Variants in POLG2 observed in about 807,000 individuals in gnomAD.
The protein encoded by POLG2 is DNA polymerase subunit gamma-2.
A neutral mutation model predicts 56.5 loss-of-function variants in POLG2; 50 were observed. The observed-to-expected ratio is 0.88, with a 90% CI of 0.71 to 1.12. POLG2 has a LOEUF of 1.12. Among genes scored for constraint, POLG2 ranks in the 50% most tolerant of loss-of-function variants. The pLI is 0.00. For missense variants in POLG2, 584 were observed against 583.3 expected, an observed-to-expected ratio of 1.00 and a Z score of -0.01; for synonymous variants, 226 against 222.6, an observed-to-expected ratio of 1.02 and a Z score of -0.14.
rs782226161 is a variant in POLG2, at chr17:64,481,429, C to T, written c.1192-1040G>A. ...GTCTCAATCACCCAGACAGAAATGA[C>T]GACTGCTGAAGGAGTCTCTGGAACG... On this transcript the variant is annotated intron_variant, in intron 6 of 7. Coordinates refer to ENST00000539111, the MANE Select transcript of POLG2 (RefSeq NM_007215.4). 2.4e-5 allele frequency: 24 copies of T among 985,070 alleles called. No homozygotes were observed. In the African/African-American group the frequency reaches 3.7e-4, roughly 15 times the overall value. The allele number at this position is 985,070 out of a possible 1,614,324, so 61.0% of individuals were successfully genotyped here. A position where few individuals can be genotyped will look rare whatever the true frequency, so the allele number is the denominator to read the frequency against.
At chr17:64,489,123 T>A (rs1222044365) in intron 4 of POLG2, among the ~76,000 whole-genome samples, 2 of 150,750 alleles carry the variant, frequency 1.3e-5, no homozygotes, top group Non-Finnish European at 3.0e-5. Flanking sequence ...GAACAATATA[T>A]TGCTACAAAA....
In POLG2 at chr17:64,491,695, C is replaced by T. The variant is rs985486158; in HGVS notation, c.796-726G>A. 7.4e-5 allele frequency: 81 copies of T among 1,092,660 alleles called. No homozygotes were observed. The Admixed American group carries it at 1.0e-3, about 14-fold the overall frequency. 67.7% of individuals were successfully genotyped at this position (1,092,660 alleles called of 1,614,324 possible). On this transcript the variant is annotated intron_variant, in intron 3 of 7. Transcript: ENST00000539111. ...ATCAACGTGAAGAAGGGGAGCATCTCGGGGTTTACCATGGTGCTGGCAGGG... is the reference window on the plus strand; with the variant it reads ...ATCAACGTGAAGAAGGGGAGCATCTTGGGGTTTACCATGGTGCTGGCAGGG...
intron 6 of POLG2, chr17:64,481,145 T>C (rs1021107250): frequency 2.3e-6 from 1 of 426,174 alleles, no homozygotes; most frequent in African/African-American, 2.2e-5. Context: ...CTCCCACTCT[T>C]AGGACAACCA....
intron 4 of POLG2, chr17:64,490,559 T>C (rs192564637): frequency 2.7e-5 from 14 of 514,598 alleles, no homozygotes; most frequent in Non-Finnish European, 3.9e-5. Context: ...CTTGGACCTA[T>C]AAATGCCATT....
chr17:64,489,090 G>C (rs2038011019), intron 4 of POLG2, among the ~76,000 whole-genome samples: 1 of 146,962 alleles, frequency 6.8e-6, no homozygotes, highest in Non-Finnish European at 1.5e-5. Flanking sequence ...CAGCAGCACA[G>C]TCTTGGCTCA....
chr17:64,485,819 C>T lies in POLG2; in HGVS notation c.1019G>A (p.Gly340Glu). The change falls in exon 5 of 8, where the codon GGG (glycine) becomes GAG (glutamate). Residue 340 changes from glycine (G) to glutamate (E), a missense_variant. By Grantham distance (98) the Gly-to-Glu change is moderately conservative (BLOSUM62 -2). Coordinates refer to ENST00000539111, the MANE Select transcript of POLG2 (RefSeq NM_007215.4). ...NVVPCVLSVNGDLDRGMLAYL... is the reference protein window; with the variant it reads ...NVVPCVLSVNEDLDRGMLAYL... ...GGCCAGCATGCCTCGGTCTAGGTCC[C>T]CATTTACAGAGAGAACACAAGGAAC... 6.2e-7 allele frequency: 1 copy of T among 1,613,578 alleles called. No homozygotes were observed. Among genetic ancestry groups the T allele is most frequent in the Non-Finnish European group, 8.5e-7 (1 of 1,179,472 alleles).
chr17:64,490,524 A>G (rs1469653202), intron 4 of POLG2: 2 of 441,520 alleles, frequency 4.5e-6, no homozygotes, highest in Non-Finnish European at 4.2e-6. Context: ...GTAAAGGCAT[A>G]TGACAACTAC....
rs180823381 is a variant in POLG2 at position 64,492,852 on chromosome 17, G to C, written c.689+43C>G. 29 of 1,610,754 alleles carry C rather than the reference G, an allele frequency of 1.8e-5. No individual in the cohort carries two copies. In the East Asian group the frequency reaches 6.0e-4, roughly 33 times the overall value. ...TCCCAAGTGGAAATGACTGGTTTTTGACTATTTAAATACAAGGCCAAGTTA... is the reference window on the plus strand; with the variant it reads ...TCCCAAGTGGAAATGACTGGTTTTTCACTATTTAAATACAAGGCCAAGTTA... On this transcript the variant is annotated intron_variant, in intron 2 of 7. Coordinates refer to ENST00000539111, the MANE Select transcript of POLG2 (RefSeq NM_007215.4).
chr17:64,485,936 G>T, intron 4 of POLG2, 68 bp from the exon 5 acceptor site: 11 of 1,479,954 alleles, frequency 7.4e-6, no homozygotes, highest in Non-Finnish European at 9.4e-6. Flanking sequence ...TTTTTGAGAC[G>T]GAGTCTCACT....
At chr17:64,486,834 A>G (rs1370606955) in intron 4 of POLG2, 4 of 152,252 alleles carry the variant, frequency 2.6e-5, no homozygotes, top group African/African-American at 9.6e-5. Flanking sequence ...CATTAAAGCC[A>G]TAATTATGAA....
At chr17:64,493,132 T>C (rs1185217770) in intron 1 of POLG2, 111 bp from the exon 2 acceptor site, 26 of 1,239,082 alleles carry the variant, frequency 2.1e-5, no homozygotes, top group Non-Finnish European at 3.1e-5. Context: ...TAAAGACAGA[T>C]GTTGGCTAAG....
Position 64,496,435 on chromosome 17 carries a change from A to T in POLG2, c.534T>A (p.Ser178=). 6.3e-7 allele frequency: 1 copy of T among 1,587,680 alleles called. No individual in the cohort carries two copies. Among genetic ancestry groups the T allele is most frequent in the African/African-American group, 1.3e-5 (1 of 74,286 alleles). The change falls in exon 1 of 8, where the codon TCT becomes TCA. Residue 178 remains serine (S), a synonymous_variant. Transcript: ENST00000539111. Reference sequence around the variant, plus strand: ...GAAGAAGGTTCTCCCGTAGTTTCCCAGAAGTTTTTAATACGTTCTCAAGAA... The same window carrying T: ...GAAGAAGGTTCTCCCGTAGTTTCCCTGAAGTTTTTAATACGTTCTCAAGAA... ...VAFLENVLKT[S]GKLRENLLHG...
intron 6 of POLG2, among the ~76,000 whole-genome samples, chr17:64,480,623 T>A: frequency 6.6e-6 from 1 of 152,216 alleles, no homozygotes; most frequent in Non-Finnish European, 1.5e-5. Flanking sequence ...GCCAATCTTC[T>A]GAGAAATTTG....
At chr17:64,493,328 G>A (rs1441894002) in intron 1 of POLG2, among the ~76,000 whole-genome samples, 9 of 151,986 alleles carry the variant, frequency 5.9e-5, no homozygotes, top group African/African-American at 2.2e-4. Flanking sequence ...CTGGGAGGTG[G>A]ATCACTTTAG....
At chr17:64,486,455 G>A (rs1408008258) in intron 4 of POLG2, among the ~76,000 whole-genome samples, 2 of 151,602 alleles carry the variant, frequency 1.3e-5, no homozygotes, top group South Asian at 2.1e-4. Flanking sequence ...TCTGCCACCC[G>A]GGTTCAAGTG....
At position 64,496,491 on chromosome 17, in the gene POLG2, T is replaced by C. The variant is rs782555552; in HGVS notation, c.478A>G (p.Lys160Glu). The change falls in exon 1 of 8, where the codon AAA becomes GAA. Residue 160 changes from lysine (K) to glutamate (E), a missense_variant. Transcript: ENST00000539111. ...ACTAGCTGTTCCTTACTCAGCTCTT[T>C]GTCTTGCAAGATTTCGCGTAGAGTT... is the stretch of plus-strand genomic sequence containing the variant. ...AETLREILQD[K>E]ELSKEQLVAF... is the part of the protein sequence containing the mutation. The C allele has an allele frequency of 5.6e-6, 9 of 1,612,802 alleles. No individual in the cohort carries two copies. In the Admixed American group the frequency reaches 6.7e-5, roughly 12 times the overall value.
chr17:64,488,469 G>C (rs1188025995), intron 4 of POLG2, among the ~76,000 whole-genome samples: 4 of 150,204 alleles, frequency 2.7e-5, no homozygotes, highest in Non-Finnish European at 5.9e-5. Flanking sequence ...CAGAAAGGCA[G>C]AGGCAGGAGA....
At chr17:64,490,658 G>A in intron 4 of POLG2, 138 bp downstream of exon 4, 1 of 699,918 alleles carries the variant, frequency 1.4e-6, no homozygotes, top group East Asian at 2.7e-5. Context: ...TTGTAGTTAT[G>A]TAGGTGAGTG....
chr17:64,496,591 G>A lies in POLG2; in HGVS notation c.378C>T (p.Phe126=). ...TSVVVFREQV[F]PVDALHHKPG... is the part of the protein sequence containing the mutation. ...GTTTGTGGTGGAGGGCGTCCACCGG[G>A]AATACCTGCTCCCTGAACACCACCA... The change falls in exon 1 of 8, where the codon TTC becomes TTT. Residue 126 remains phenylalanine, a synonymous_variant. Coordinates refer to ENST00000539111, the MANE Select transcript of POLG2 (RefSeq NM_007215.4). The A allele has an allele frequency of 6.2e-7, 1 of 1,613,666 alleles. No homozygotes were observed. The highest frequency in any genetic ancestry group is 1.1e-5 in the South Asian group (1 of 91,054).
Sources: gnomAD v4.1 joint callset for allele counts (sites outside exome capture counted in the v4.1 genomes callset) on GRCh38, gnomAD v4.1.1 for gene constraint, MANE v1.5 for transcripts, NCBI Gene and HGNC (gene_info 2026-07-23, HGNC 2026-07-21) for gene names.